The following TYW1B variants were observed in gnomAD, a reference collection of about 807,000 sequenced individuals.
TYW1B encodes tRNA-yW synthesizing protein 1 homolog B.
Under a neutral mutation model 86.9 loss-of-function variants are expected in TYW1B, and 73 were observed. The observed-to-expected ratio is 0.84, with a 90% CI of 0.70 to 1.02. The LOEUF (loss-of-function observed/expected upper bound fraction) is 1.02. TYW1B is among the 50% of genes least tolerant of loss of function. The probability of loss-of-function intolerance (pLI) is 0.00; values close to 1 mark genes in which losing one functional copy is unlikely to be tolerated. For synonymous variants in TYW1B, 248 were observed against 292.8 expected, an observed-to-expected ratio of 0.85 and a Z score of 1.56; for missense variants, 637 against 827.4, an observed-to-expected ratio of 0.77 and a Z score of 2.82.
intron 2 of TYW1B, among the ~76,000 whole-genome samples, chr7:72,825,762 T>C (rs1788919089): frequency 1.3e-5 from 2 of 152,194 alleles, no homozygotes; most frequent in South Asian, 4.1e-4. Context: ...CTTTTTTCCC[T>C]ATTCCCTACT....
chr7:72,804,931 A>AATGGAAAGACTC (rs1788467620), intron 5 of TYW1B, among the ~76,000 whole-genome samples: 1 of 152,180 alleles, frequency 6.6e-6, no homozygotes, highest in African/African-American at 2.4e-5. Context: ...TCAAGTTTCT[A>AATGGAAAGACTC]ATGGAAAGAC....
chr7:72,606,710 C>A (rs1321504898), intron 13 of TYW1B, among the ~76,000 whole-genome samples: 1 of 151,360 alleles, frequency 6.6e-6, no homozygotes, highest in Non-Finnish European at 1.5e-5. Flanking sequence ...AGGAGGCTGA[C>A]GGGAGCCAGA....
chr7:72,647,760 C>G (rs1179679290), intron 11 of TYW1B, among the ~76,000 whole-genome samples: 5 of 152,054 alleles, frequency 3.3e-5, no homozygotes, highest in Non-Finnish European at 7.4e-5. Context: ...TCATAGCTCA[C>G]TGCAGCCTCG....
intron 4 of TYW1B, among the ~76,000 whole-genome samples, chr7:72,808,943 A>G (rs1788546446): frequency 6.6e-6 from 1 of 152,008 alleles, no homozygotes. Flanking sequence ...TGACCAAGAA[A>G]CTGAGAGGCT....
chr7:72,677,527 T>C (rs1813762756), intron 11 of TYW1B, among the ~76,000 whole-genome samples: 1 of 152,138 alleles, frequency 6.6e-6, no homozygotes, highest in Admixed American at 6.5e-5. Flanking sequence ...TCCAGGATTC[T>C]GAGTTTTTAT....
In TYW1B at chr7:72,714,025, C is replaced by T. The variant is rs1422592359; in HGVS notation, c.1193-227G>A. ...GTTAAACTACATCAATACAAGCAGGCAAAACTAGCTTTGTTAGCTAATTAT... is the reference window on the plus strand; with the variant it reads ...GTTAAACTACATCAATACAAGCAGGTAAAACTAGCTTTGTTAGCTAATTAT... On this transcript the variant is annotated intron_variant, in intron 9 of 13. Coordinates refer to ENST00000620995, the MANE Select transcript of TYW1B (RefSeq NM_001145440.3). 4.7e-5 allele frequency among the ~76,000 whole-genome samples: 7 copies of T among 150,320 alleles called. No homozygotes were observed. In the East Asian group the frequency reaches 1.4e-3, roughly 29 times the overall value.
chr7:72,774,558 T>C (rs1488805242), intron 7 of TYW1B, among the ~76,000 whole-genome samples: 5 of 151,744 alleles, frequency 3.3e-5, no homozygotes, highest in Non-Finnish European at 7.4e-5. Context: ...CCGTCTCTAC[T>C]AAAAATACAA....
At chr7:72,653,847 C>G (rs1161811842) in intron 11 of TYW1B, among the ~76,000 whole-genome samples, 1 of 151,846 alleles carries the variant, frequency 6.6e-6, no homozygotes, top group Non-Finnish European at 1.5e-5. Context: ...TTTGGGAGGC[C>G]GAAGCGGGTG....
chr7:72,597,635 A>C (rs1246351818), intron 13 of TYW1B, among the ~76,000 whole-genome samples: 1 of 152,140 alleles, frequency 6.6e-6, no homozygotes, highest in Non-Finnish European at 1.5e-5. Context: ...AATTAAGAAA[A>C]GATGAGATGA....
chr7:72,630,197 T>C (rs1206200022), intron 11 of TYW1B, among the ~76,000 whole-genome samples: 1 of 152,144 alleles, frequency 6.6e-6, no homozygotes, highest in Admixed American at 6.6e-5. Flanking sequence ...GAGACTCGTT[T>C]GAACCTGGGA....
intron 7 of TYW1B, among the ~76,000 whole-genome samples, chr7:72,747,676 T>C (rs1201817271): frequency 6.6e-6 from 1 of 152,180 alleles, no homozygotes; most frequent in Non-Finnish European, 1.5e-5. Context: ...CCTGTGTCTT[T>C]CAAGTCTTGA....
chr7:72,626,978 C>G (rs1273784744), intron 12 of TYW1B, among the ~76,000 whole-genome samples: 3 of 151,922 alleles, frequency 2.0e-5, no homozygotes, highest in Non-Finnish European at 2.9e-5. Flanking sequence ...ATCCCCTTAT[C>G]TTTGCTTGAA....
chr7:72,745,112 A>G (rs1274134944), intron 7 of TYW1B, among the ~76,000 whole-genome samples: 1 of 152,030 alleles, frequency 6.6e-6, no homozygotes, highest in East Asian at 1.9e-4. Context: ...GCAACCTCCA[A>G]CTCCTGGGTT....
intron 12 of TYW1B, among the ~76,000 whole-genome samples, chr7:72,623,087 AAAAAGAAGTTGAATTGGGTGAT>A (rs1280108351): frequency 1.3e-5 from 2 of 152,228 alleles, no homozygotes; most frequent in Non-Finnish European, 2.9e-5. Flanking sequence ...GCAAAATGAG[AAAAAGAAGTTGAATTGGGTGAT>A]ACATACATGT....
At chr7:72,821,579 CTT>C (rs1218347315) in intron 2 of TYW1B, among the ~76,000 whole-genome samples, 2 of 152,066 alleles carry the variant, frequency 1.3e-5, no homozygotes, top group African/African-American at 4.8e-5. Context: ...AAACAAACAT[CTT>C]TTCTTTTGGA....
intron 11 of TYW1B, among the ~76,000 whole-genome samples, chr7:72,651,948 T>C (rs1391591799): frequency 6.6e-6 from 1 of 152,186 alleles, no homozygotes; most frequent in African/African-American, 2.4e-5. Flanking sequence ...GATAGGGTCT[T>C]GCTCTGTGGC....
At chr7:72,627,517 A>AACATAACATAACAT (rs1219156343) in intron 12 of TYW1B, among the ~76,000 whole-genome samples, 1 of 128,530 alleles carries the variant, frequency 7.8e-6, no homozygotes, top group African/African-American at 3.0e-5. Flanking sequence ...TAACATAAAT[A>AACATAACATAACAT]AAATAAAATA....
At chr7:72,632,312 T>TATATATACGTG (rs1491239231) in intron 11 of TYW1B, among the ~76,000 whole-genome samples, 2 of 87,030 alleles carry the variant, frequency 2.3e-5, no homozygotes, top group African/African-American at 6.3e-5. Context: ...TGTATATATA[T>TATATATACGTG]TATATATATT....
chr7:72,770,936 C>T (rs1787855679), intron 7 of TYW1B, among the ~76,000 whole-genome samples: 1 of 148,402 alleles, frequency 6.7e-6, no homozygotes, highest in Non-Finnish European at 1.5e-5. Flanking sequence ...TTACATGATT[C>T]CACTCATATG....
Sources: allele counts gnomAD v4.1 joint callset (sites outside exome capture counted in the v4.1 genomes callset), GRCh38; gene constraint gnomAD v4.1.1; transcripts MANE v1.5; gene names NCBI Gene and HGNC (gene_info 2026-07-23, HGNC 2026-07-21).